Variants in JAZF1 observed in about 807,000 individuals in gnomAD.
JAZF1 encodes the protein juxtaposed with another zinc finger protein 1.
Under a neutral mutation model 26.4 loss-of-function variants are expected in JAZF1, and 8 were observed. The ratio of observed to expected loss-of-function variants is 0.30; its 90% confidence interval spans 0.18 to 0.55. The LOEUF (loss-of-function observed/expected upper bound fraction) is 0.55, where lower values mean the gene tolerates loss of function less well. Among genes scored for constraint, JAZF1 ranks in the 20% least tolerant of loss-of-function variants. The pLI, the probability that JAZF1 is intolerant of heterozygous loss-of-function variation, is 0.94. For missense variants in JAZF1, 199 were observed against 322.0 expected (o/e 0.62, Z 2.92); for synonymous variants, 126 against 122.3 (o/e 1.03, Z -0.20).
chr7:28,118,789 CACA>C (rs1296009557), intron 1 of JAZF1, among the ~76,000 whole-genome samples: 9 of 145,334 alleles, frequency 6.2e-5, no homozygotes, highest in Non-Finnish European at 7.7e-5. Flanking sequence ...CACACACACA[CACA>C]ACACACACAC....
At chr7:28,009,085 TGA>T (rs964020580) in intron 1 of JAZF1, among the ~76,000 whole-genome samples, 54 of 152,308 alleles carry the variant, frequency 3.5e-4, no homozygotes, top group African/African-American at 1.3e-3. Context: ...TACTATCAGC[TGA>T]GTTTCCACAA....
At chr7:27,965,699 T>C (rs1785261647) in intron 2 of JAZF1, among the ~76,000 whole-genome samples, 1 of 152,180 alleles carries the variant, frequency 6.6e-6, no homozygotes, top group Non-Finnish European at 1.5e-5. Flanking sequence ...TAGATTTCGG[T>C]AGTCTAAAGA....
intron 1 of JAZF1, among the ~76,000 whole-genome samples, chr7:28,130,972 A>G (rs1424559159): frequency 6.6e-6 from 1 of 152,212 alleles, no homozygotes; most frequent in African/African-American, 2.4e-5. Context: ...ATGAAAAGTT[A>G]TATATTCTGG....
chr7:27,857,897 G>A (rs1583433776), intron 3 of JAZF1, among the ~76,000 whole-genome samples: 1 of 152,234 alleles, frequency 6.6e-6, no homozygotes, highest in African/African-American at 2.4e-5. Flanking sequence ...TTCCGGCCAG[G>A]GCAATCAGGC....
chr7:28,071,136 C>T (rs1174948624), intron 1 of JAZF1, among the ~76,000 whole-genome samples: 4 of 152,084 alleles, frequency 2.6e-5, no homozygotes, highest in African/African-American at 7.2e-5. Flanking sequence ...CTGTGTGTAG[C>T]GAAATACTAC....
chr7:27,926,331 C>A (rs1784600462), intron 2 of JAZF1, among the ~76,000 whole-genome samples: 1 of 152,188 alleles, frequency 6.6e-6, no homozygotes, highest in African/African-American at 2.4e-5. Context: ...TTGGAACTGG[C>A]AGGACATACC....
chr7:27,906,367 T>A (rs1387373634), intron 2 of JAZF1, among the ~76,000 whole-genome samples: 1 of 152,196 alleles, frequency 6.6e-6, no homozygotes, highest in Non-Finnish European at 1.5e-5. Flanking sequence ...AAGAACCACT[T>A]TTTTAAACCA....
At chr7:27,926,083 G>C (rs1201524652) in intron 2 of JAZF1, among the ~76,000 whole-genome samples, 1 of 152,216 alleles carries the variant, frequency 6.6e-6, no homozygotes, top group African/African-American at 2.4e-5. Context: ...ACAGGCTCAA[G>C]ACAGACAGGA....
intron 1 of JAZF1, among the ~76,000 whole-genome samples, chr7:28,176,439 T>A (rs1783552706): frequency 6.6e-6 from 1 of 152,214 alleles, no homozygotes; most frequent in African/African-American, 2.4e-5. Context: ...GTCTCCCATA[T>A]CAGCCTCTCA....
chr7:27,944,884 C>G (rs908049636), intron 2 of JAZF1, among the ~76,000 whole-genome samples: 1 of 152,144 alleles, frequency 6.6e-6, no homozygotes, highest in Non-Finnish European at 1.5e-5. Context: ...GATCATTTGG[C>G]TTTGCAGGAA....
intron 4 of JAZF1, among the ~76,000 whole-genome samples, chr7:27,839,737 A>G (rs1309009886): frequency 1.9e-4 from 29 of 152,232 alleles, no homozygotes; most frequent in Admixed American, 1.8e-3. Flanking sequence ...CCATGCTTTT[A>G]TATCAATAGC....
intron 2 of JAZF1, among the ~76,000 whole-genome samples, chr7:27,979,502 T>A (rs1364994295): frequency 6.8e-6 from 1 of 147,744 alleles, no homozygotes; most frequent in Non-Finnish European, 1.5e-5. Context: ...AATCCTCTCA[T>A]CTCAGCCTCC....
chr7:28,063,911 A>C (rs1392826999), intron 1 of JAZF1, among the ~76,000 whole-genome samples: 1 of 152,192 alleles, frequency 6.6e-6, no homozygotes. Flanking sequence ...AGAGGGCTCA[A>C]GAAATGCCAC....
At chr7:27,915,594 T>G (rs1354964842) in intron 2 of JAZF1, among the ~76,000 whole-genome samples, 1 of 152,226 alleles carries the variant, frequency 6.6e-6, no homozygotes, top group African/African-American at 2.4e-5. Context: ...TTATCCTGAA[T>G]AAGGTGAAGT....
chr7:28,168,329 C>G (rs1303748263), intron 1 of JAZF1, among the ~76,000 whole-genome samples: 1 of 143,334 alleles, frequency 7.0e-6, no homozygotes, highest in Admixed American at 7.4e-5. Context: ...TTGCAGTGAG[C>G]TGCGACGCGC....
intron 1 of JAZF1, among the ~76,000 whole-genome samples, chr7:28,009,629 G>A (rs938000897): frequency 1.6e-4 from 25 of 152,148 alleles, no homozygotes; most frequent in Admixed American, 1.5e-3. Flanking sequence ...GACTACAGGC[G>A]CATGTCACCA....
intron 1 of JAZF1, among the ~76,000 whole-genome samples, chr7:28,136,178 T>G (rs764793435): frequency 6.6e-6 from 1 of 152,160 alleles, no homozygotes; most frequent in South Asian, 2.1e-4. Context: ...CTGCTGAACG[T>G]TGGGTATTTA....
intron 1 of JAZF1, among the ~76,000 whole-genome samples, chr7:28,136,713 G>A (rs570357021): frequency 6.6e-6 from 1 of 152,208 alleles, no homozygotes; most frequent in African/African-American, 2.4e-5. Context: ...TAGGGAGAGA[G>A]ACAGGAGGAG....
chr7:28,036,645 T>G (rs960941664), intron 1 of JAZF1, among the ~76,000 whole-genome samples: 1 of 152,206 alleles, frequency 6.6e-6, no homozygotes, highest in African/African-American at 2.4e-5. Flanking sequence ...CTGCCCCAAA[T>G]GCCATGATGC....
Sources: allele counts gnomAD v4.1 joint callset (sites outside exome capture counted in the v4.1 genomes callset), GRCh38; gene constraint gnomAD v4.1.1; transcripts MANE v1.5; gene names NCBI Gene and HGNC (gene_info 2026-07-23, HGNC 2026-07-21).